Variants in C4orf50 observed in about 807,000 individuals in gnomAD.
C4orf50 encodes uncharacterized protein C4orf50.
A neutral mutation model predicts 77.2 loss-of-function variants in C4orf50; 80 were observed. The observed-to-expected ratio is 1.04, with a 90% CI of 0.87 to 1.25. C4orf50 has a LOEUF of 1.25. Ranked by LOEUF, C4orf50 falls within the 50% of genes most tolerant of loss-of-function variation. The probability of loss-of-function intolerance (pLI) is 0.00; values close to 1 mark genes in which losing one functional copy is unlikely to be tolerated. For synonymous variants in C4orf50, 532 were observed against 465.3 expected (o/e 1.14, Z -1.84); for missense variants, 1,257 against 1,152.9 (o/e 1.09, Z -1.31).
rs539136514 is a variant in C4orf50, at chr4:6,008,790, A to C, written c.427-258T>G. Reference sequence around the variant, plus strand: ...CCTTCAACAGCTCCCTGAGTCCTGGAAGGGAGCTGTGCAGGTGGCAGGATG... The same window carrying C: ...CCTTCAACAGCTCCCTGAGTCCTGGCAGGGAGCTGTGCAGGTGGCAGGATG... On this transcript the variant is annotated intron_variant, in intron 24 of 33. Transcript: ENST00000531445. This position sits in a 1 kb window ranked among gnomAD's most constrained non-coding sequence, Gnocchi z 6.0. 6.6e-6 allele frequency among the ~76,000 whole-genome samples: 1 copy of C among 152,244 alleles called. No homozygotes were observed. The highest frequency in any genetic ancestry group is 1.9e-4 in the East Asian group (1 of 5,160).
chr4:5,998,688 C>G (rs1721703042), intron 25 of C4orf50, among the ~76,000 whole-genome samples: 1 of 152,230 alleles, frequency 6.6e-6, no homozygotes. Flanking sequence ...CCAGGCACAG[C>G]CCTGTGCTGC....
At chr4:5,980,827 A>G (rs1720546359) in intron 28 of C4orf50, among the ~76,000 whole-genome samples, 1 of 152,234 alleles carries the variant, frequency 6.6e-6, no homozygotes, top group Admixed American at 6.5e-5. Context: ...ATATATTTAT[A>G]TGAAACAGAA....
rs986481434 is a variant in C4orf50, at chr4:5,909,419, T to C, written c.*2475-11231A>G. On this transcript the variant is annotated intron_variant, in intron 7 of 7. Coordinates refer to the C4orf50 transcript ENST00000324058. ...TATATTCTATATAGTAATGTCTTGT[T>C]GGATGTATAGTTTGCAAATATTTTC... 2.6e-5 allele frequency among the ~76,000 whole-genome samples: 4 copies of C among 152,360 alleles called. No homozygotes were observed. In the South Asian group the frequency reaches 6.2e-4, roughly 24 times the overall value.
Position 5,919,299 on chromosome 4 carries a change from C to T in C4orf50, c.*2475-21111G>A, listed in dbSNP as rs1717165905. ...CCCAATGCCCGATTTCCATGGCTAC[C>T]ACAGCTCAGGAAGGTTCTAGAAGTC... is the stretch of plus-strand genomic sequence containing the variant. On this transcript the variant is annotated intron_variant, in intron 7 of 7. Transcript: ENST00000324058. This position sits in a 1 kb window ranked among gnomAD's most constrained non-coding sequence, Gnocchi z 6.5. 6.6e-6 allele frequency among the ~76,000 whole-genome samples: 1 copy of T among 152,112 alleles called. No individual in the cohort carries two copies. The highest frequency in any genetic ancestry group is 2.4e-5 in the African/African-American group (1 of 41,426).
chr4:5,988,941 C>T (rs753542503), exon 28 of C4orf50: 13 of 1,535,946 alleles, frequency 8.5e-6, no homozygotes, highest in African/African-American at 2.7e-5. Context: ...CACTCTCAGA[C>T]GTGGCTTTCT....
At chr4:5,943,520 G>A (rs924025940) in intron 7 of C4orf50, among the ~76,000 whole-genome samples, 4 of 152,190 alleles carry the variant, frequency 2.6e-5, no homozygotes, top group Non-Finnish European at 5.9e-5. Context: ...GTGTGATCTT[G>A]GGAAGATTCC....
At chr4:6,004,352 C>CTGTGAT (rs1722122615) in intron 25 of C4orf50, among the ~76,000 whole-genome samples, 8 of 15,928 alleles carry the variant, frequency 5.0e-4, no homozygotes, top group Non-Finnish European at 1.2e-3. Context: ...GTGATGATGA[C>CTGTGAT]GGTGATGGTG....
intron 31 of C4orf50, among the ~76,000 whole-genome samples, chr4:5,973,291 G>A (rs1720037852): frequency 6.6e-6 from 1 of 152,224 alleles, no homozygotes; most frequent in African/African-American, 2.4e-5. Flanking sequence ...TGGACAGGAG[G>A]TCATGGGGTG....
intron 7 of C4orf50, among the ~76,000 whole-genome samples, chr4:5,948,226 C>G (rs1718563970): frequency 6.6e-6 from 1 of 152,242 alleles, no homozygotes; most frequent in African/African-American, 2.4e-5. Context: ...AACTGAGGAA[C>G]TGAAGAGGGG....
chr4:5,985,982 T>C (rs184996317), intron 28 of C4orf50, among the ~76,000 whole-genome samples: 20 of 151,942 alleles, frequency 1.3e-4, no homozygotes, highest in Admixed American at 1.3e-3. Context: ...AATAAATAAA[T>C]ACATAAAAAT....
chr4:5,953,147 G>C (rs1048675267), downstream of C4orf50, among the ~76,000 whole-genome samples: 1 of 152,140 alleles, frequency 6.6e-6, no homozygotes, highest in African/African-American at 2.4e-5. Context: ...CCGCCCCACT[G>C]ATGTTCACGC....
At chr4:6,010,507 G>A (rs773807838) in intron 24 of C4orf50, among the ~76,000 whole-genome samples, 46 of 152,186 alleles carry the variant, frequency 3.0e-4, no homozygotes, top group Admixed American at 8.5e-4. Context: ...ACACACCTGT[G>A]TACAGCTGAA....
Position 6,000,794 on chromosome 4 carries a change from G to T in C4orf50, c.964-6318C>A, listed in dbSNP as rs1721797625. ...GACCAGTATTTACTGAAGAAACAGGGCGTGCGACACAGCTATGGGATCAGC... is the reference window on the plus strand; with the variant it reads ...GACCAGTATTTACTGAAGAAACAGGTCGTGCGACACAGCTATGGGATCAGC... On this transcript the variant is annotated intron_variant, in intron 25 of 33. Transcript: ENST00000531445. The surrounding 1 kb of genome is among the most constrained non-coding windows in gnomAD (Gnocchi z 6.0). 6.6e-6 allele frequency among the ~76,000 whole-genome samples: 1 copy of T among 152,160 alleles called. No individual in the cohort carries two copies. Among genetic ancestry groups the T allele is most frequent in the Admixed American group, 6.5e-5 (1 of 15,276 alleles).
At chr4:5,965,269 T>C in intron 32 of C4orf50, 124 bp from the exon 11 acceptor site, 2 of 1,025,628 alleles carry the variant, frequency 2.0e-6, no homozygotes, top group Admixed American at 5.6e-5. Context: ...CCAGTTTCCA[T>C]GCCCCGGGGC....
intron 25 of C4orf50, among the ~76,000 whole-genome samples, chr4:5,995,225 T>C (rs984150802): frequency 1.3e-5 from 2 of 152,016 alleles, no homozygotes; most frequent in Admixed American, 6.5e-5. Context: ...TGGAAGAAGG[T>C]ACCCTTCCTG....
Position 5,900,422 on chromosome 4 carries a change from T to C in C4orf50, c.*2475-2234A>G, listed in dbSNP as rs1279409825. On this transcript the variant is annotated intron_variant, in intron 7 of 7. Coordinates refer to the C4orf50 transcript ENST00000324058. The surrounding 1 kb of genome is among the most constrained non-coding windows in gnomAD (Gnocchi z 4.3). ...ACGGAAGGGTGGATTTAAAGATCAA[T>C]CATGTAAGTCTAGCCAAAAAGTAGG... The C allele has an allele frequency of 2.0e-5, 3 of 151,536 alleles. No homozygotes were observed. Among genetic ancestry groups the C allele is most frequent in the African/African-American group, 7.3e-5 (3 of 41,194 alleles). 9.4% of individuals were successfully genotyped at this position (151,536 alleles called of 1,614,324 possible).
intron 7 of C4orf50, among the ~76,000 whole-genome samples, chr4:5,923,910 G>A (rs7689765): frequency 0.62 from 94,723 of 152,078 alleles, 30,247 homozygotes; most frequent in East Asian, 0.83. Context: ...TGCCAGCGTC[G>A]CTAGAATAAA....
chr4:6,010,115 C>CATAGGGCATGG (rs1722431319), intron 24 of C4orf50, among the ~76,000 whole-genome samples: 2 of 152,256 alleles, frequency 1.3e-5, no homozygotes, highest in Non-Finnish European at 1.5e-5. Flanking sequence ...GTCCAATTCA[C>CATAGGGCATGG]CTCGGAAATC....
intron 32 of C4orf50, among the ~76,000 whole-genome samples, 171 bp from the exon 11 acceptor site, chr4:5,965,316 C>A (rs1719508045): frequency 6.6e-6 from 1 of 152,212 alleles, no homozygotes. Flanking sequence ...TCTCCAAGGA[C>A]CTCACCCATA....
Sources: allele counts gnomAD v4.1 joint callset (sites outside exome capture counted in the v4.1 genomes callset), GRCh38; gene constraint gnomAD v4.1.1; non-coding constraint Gnocchi (gnomAD v3.1); transcripts MANE v1.5; gene names NCBI Gene and HGNC (gene_info 2026-07-23, HGNC 2026-07-21).